The following RBM4B variants were observed in gnomAD, a reference collection of about 807,000 sequenced individuals.
RBM4B encodes RNA binding motif protein 4B.
A neutral mutation model predicts 28.5 loss-of-function variants in RBM4B; 13 were observed. That is an observed-to-expected ratio of 0.46 (90% CI 0.30 to 0.72). The LOEUF is 0.72. Ranked by LOEUF, RBM4B falls within the 30% of genes least tolerant of loss-of-function variation. The pLI is 0.09. For missense variants in RBM4B, 387 were observed against 477.6 expected (o/e 0.81, Z 1.77); for synonymous variants, 167 against 179.1 (o/e 0.93, Z 0.54).
At chr11:66,676,440 A>T in intron 2 of RBM4B, 1 of 604,516 alleles carries the variant, frequency 1.7e-6, no homozygotes, top group Non-Finnish European at 2.9e-6. Context: ...AAAGTAACCC[A>T]CAGTTTGTGA....
intron 2 of RBM4B, among the ~76,000 whole-genome samples, chr11:66,674,862 A>C (rs1248771946): frequency 6.6e-6 from 1 of 152,088 alleles, no homozygotes; most frequent in Non-Finnish European, 1.5e-5. Context: ...GAGGCACCGC[A>C]CCCTGCCTGT....
At chr11:66,674,624 G>C (rs1342696287) in intron 2 of RBM4B, among the ~76,000 whole-genome samples, 1 of 151,340 alleles carries the variant, frequency 6.6e-6, no homozygotes. Flanking sequence ...CTGGAATACA[G>C]TGGCACAATC....
chr11:66,677,391 C>T (rs1939674418), intron 1 of RBM4B: 2 of 432,380 alleles, frequency 4.6e-6, no homozygotes, highest in South Asian at 2.9e-5. Context: ...AAGAGAAAAG[C>T]CCAAGCAAAG....
intron 2 of RBM4B, among the ~76,000 whole-genome samples, chr11:66,669,571 C>T (rs989328165): frequency 3.3e-5 from 5 of 152,116 alleles, no homozygotes; most frequent in Non-Finnish European, 7.4e-5. Flanking sequence ...CTCAGCCTCC[C>T]GAGTAGCTGG....
In RBM4B at chr11:66,669,042, T is replaced by A; in HGVS notation, c.662A>T (p.Tyr221Phe). ...ATAAGAGCGGACCCGGTATCGCTTA[T>A]AGTAGTCGAGTGCTCCATATGCATC... The part of the protein sequence containing the change: ...YNDAYGALDY[Y>F]KRYRVRSYEA... The change falls in exon 3 of 4, where the codon TAT becomes TTT. Residue 221 changes from tyrosine to phenylalanine, a missense_variant. This residue lies in a region of RBM4B where 226 missense variants were observed against 220.6 expected (regional missense o/e 1.02). Transcript: ENST00000310046. 6.2e-7 allele frequency: 1 copy of A among 1,614,196 alleles called. No individual in the cohort carries two copies. The highest frequency in any genetic ancestry group is 8.5e-7 in the Non-Finnish European group (1 of 1,180,032).
rs1298770345 is a variant in RBM4B at position 66,665,426 on chromosome 11, C to CTT, written c.*160_*161dup. ...AGTTTCAGGAGGAAAGAAAAGTCAA[C>CTT]TTAGAAGAATTAAGAAAGAAAACAT... On this transcript the variant is annotated 3_prime_UTR_variant, in exon 4 of 4. Coordinates refer to ENST00000310046, the MANE Select transcript of RBM4B (RefSeq NM_031492.4). 7 of 680,542 alleles carry CTT rather than the reference C, an allele frequency of 1.0e-5. No individual in the cohort carries two copies. In the East Asian group the frequency reaches 1.3e-4, roughly 13 times the overall value. The allele number at this position is 680,542 out of a possible 1,614,324, so 42.2% of individuals were successfully genotyped here.
In RBM4B at chr11:66,665,491, C is replaced by A. The variant is rs761030335; in HGVS notation, c.*97G>T. 38 of 955,318 alleles carry A rather than the reference C, an allele frequency of 4.0e-5. No individual in the cohort carries two copies. The Middle Eastern group carries it at 1.8e-3, about 46-fold the overall frequency. 59.2% of individuals were successfully genotyped at this position (955,318 alleles called of 1,614,324 possible). A position where few individuals can be genotyped will look rare whatever the true frequency, so the allele number is the denominator to read the frequency against. On this transcript the variant is annotated 3_prime_UTR_variant, in exon 4 of 4. Transcript: ENST00000310046. ...TCCTTTTGTTTACTGAAACATGAAG[C>A]AATGGAAACATCCCGGCAAAGGGGA...
chr11:66,669,097 T>G lies in RBM4B; in HGVS notation c.607A>C (p.Met203Leu), dbSNP rs1172504350. The G allele has an allele frequency of 1.5e-5, 24 of 1,614,060 alleles. No homozygotes were observed. Among genetic ancestry groups the G allele is most frequent in the Non-Finnish European group, 1.9e-5 (22 of 1,180,048 alleles). The change falls in exon 3 of 4, where the codon ATG becomes CTG. Residue 203 changes from methionine to leucine, a missense_variant. Transcript: ENST00000310046. The part of the protein sequence containing the change: ...QYGAVRTPYT[M>L]GYGESMYYND... The stretch of plus-strand genomic sequence containing the variant: ...TAATACATGGATTCCCCGTAGCCCA[T>G]GGTGTAAGGTGTTCGAACTGCTCCA...
At position 66,673,818 on chromosome 11, in the gene RBM4B, T is replaced by C. The variant is rs148256775; in HGVS notation, c.412+2850A>G. Among the ~76,000 whole-genome samples the C allele has an allele frequency of 3.3e-5, 5 of 152,302 alleles. No individual in the cohort carries two copies. In the East Asian group the frequency reaches 9.6e-4, roughly 29 times the overall value. ...AGTAGACAACTGAAAATAACTTAAA[T>C]TGAAACGTGTCAAACTGGTATCCAG... On this transcript the variant is annotated intron_variant, in intron 2 of 3. Coordinates refer to ENST00000310046, the MANE Select transcript of RBM4B (RefSeq NM_031492.4).
intron 2 of RBM4B, among the ~76,000 whole-genome samples, chr11:66,672,906 C>A (rs7102876): frequency 6.6e-6 from 1 of 152,154 alleles, no homozygotes; most frequent in African/African-American, 2.4e-5. Context: ...AAGATTAATT[C>A]TTCTACTCTA....
In RBM4B at chr11:66,668,807, A is replaced by C. The variant is rs1232388995; in HGVS notation, c.897T>G (p.Tyr299Ter). The C allele has an allele frequency of 6.2e-7, 1 of 1,614,048 alleles. No individual in the cohort carries two copies. Among genetic ancestry groups the C allele is most frequent in the Non-Finnish European group, 8.5e-7 (1 of 1,180,024 alleles). The change falls in exon 3 of 4, where the codon TAT becomes TAG. Residue 299 changes from tyrosine (Y) to a stop codon, truncating the protein, a stop_gained. Transcript: ENST00000310046. LOFTEE classifies it high-confidence loss of function. ...GACGCAGTGGGCTCCTGTCCCTTCC[A>C]TAGTAGGAGGAAGTGGTGGCTGCAG... is the stretch of plus-strand genomic sequence containing the variant. ...AAAAATTSSY[Y>*]GRDRSPLRRA... is the part of the protein sequence containing the mutation.
chr11:66,668,688 A>G lies in RBM4B; in HGVS notation c.1016T>C (p.Leu339Pro), dbSNP rs1447121916. 6.2e-7 allele frequency: 1 copy of G among 1,614,062 alleles called. No homozygotes were observed. Among genetic ancestry groups the G allele is most frequent in the Non-Finnish European group, 8.5e-7 (1 of 1,180,008 alleles). The change falls in exon 3 of 4, where the codon CTG becomes CCG. Residue 339 changes from leucine to proline, a missense_variant. This residue lies in a region of RBM4B where 226 missense variants were observed against 220.6 expected (regional missense o/e 1.02). Transcript: ENST00000310046. Reference protein sequence around the residue: ...SQASAATRNSLYDMARYEREQ... With the variant: ...SQASAATRNSPYDMARYEREQ... ...CCGTTCATACCGGGCCATGTCATAC[A>G]GAGAATTCCGTGTAGCTGCGGAAGC...
At position 66,668,630 on chromosome 11, in the gene RBM4B, G is replaced by A. The variant is rs778302123; in HGVS notation, c.1074C>T (p.Ala358=). The A allele has an allele frequency of 3.8e-6, 6 of 1,595,680 alleles. No homozygotes were observed. In the South Asian group the frequency reaches 5.5e-5, roughly 15 times the overall value. Residue 358 remains alanine, a synonymous_variant, in exon 3 of 4, where the codon GCC becomes GCT. Transcript: ENST00000310046. The part of the protein sequence containing the change: ...EQYVDRARYS[A]F ...CATCTCTCACCTCCAGTTTTTAAAA[G>A]GCTGAGTACCGGGCTCGGTCCACAT...
At chr11:66,665,737 C>T in intron 3 of RBM4B, 159 bp from the exon 4 acceptor site, 1 of 1,331,994 alleles carries the variant, frequency 7.5e-7, no homozygotes, top group South Asian at 1.4e-5. Context: ...ATGTAATTAC[C>T]TAGGAGTCTA....
At chr11:66,674,670 C>T (rs1414124361) in intron 2 of RBM4B, among the ~76,000 whole-genome samples, 1 of 151,888 alleles carries the variant, frequency 6.6e-6, no homozygotes, top group Non-Finnish European at 1.5e-5. Context: ...CAGGTTCAAG[C>T]GATTCTCCTG....
At chr11:66,667,831 C>CT (rs1169781565) in intron 3 of RBM4B, 9 of 152,090 alleles carry the variant, frequency 5.9e-5, no homozygotes. Context: ...CCTCAGCATT[C>CT]TGAGTAGCTG....
chr11:66,668,421 G>A (rs1386679555), intron 3 of RBM4B, 194 bp downstream of exon 3: 1 of 542,648 alleles, frequency 1.8e-6, no homozygotes, highest in Admixed American at 3.2e-5. Context: ...GTTGGTTGGA[G>A]TCATACACTA....
At chr11:66,677,421 G>A (rs1029931471) in intron 1 of RBM4B, 17 of 338,792 alleles carry the variant, frequency 5.0e-5, no homozygotes, top group Non-Finnish European at 8.2e-5. Context: ...ATCAATCGCA[G>A]TGCGCCTGGT....
chr11:66,674,924 C>A (rs1208425329), intron 2 of RBM4B, among the ~76,000 whole-genome samples: 1 of 152,150 alleles, frequency 6.6e-6, no homozygotes, highest in Admixed American at 6.6e-5. Context: ...ACTAGAATAC[C>A]TCTGCAGTTT....
Sources: gnomAD v4.1 joint callset for allele counts (sites outside exome capture counted in the v4.1 genomes callset) on GRCh38, gnomAD v4.1.1 for gene constraint, gnomAD v4.1.1 regional missense constraint, MANE v1.5 for transcripts, NCBI Gene and HGNC (gene_info 2026-07-23, HGNC 2026-07-21) for gene names.